MAPK14: variants seen among roughly 807,000 people sequenced by gnomAD.
MAPK14 encodes mitogen-activated protein kinase 14, also known as CSAID-binding protein.
In MAPK14, 16 loss-of-function variants were observed where a neutral mutation model predicts 49.6. The ratio of observed to expected loss-of-function variants is 0.32; its 90% CI spans 0.22 to 0.49. The LOEUF (loss-of-function observed/expected upper bound fraction) is 0.49, where lower values mean the gene tolerates loss of function less well. Ranked by LOEUF, MAPK14 falls within the 20% of genes least tolerant of loss-of-function variation. MAPK14 has a pLI of 0.99. For synonymous variants in MAPK14, 142 were observed against 158.0 expected (o/e 0.90, Z 0.76); for missense variants, 200 against 441.2 (o/e 0.45, Z 4.90).
chr6:36,074,997 C>T (rs902256794), intron 6 of MAPK14, among the ~76,000 whole-genome samples: 3 of 151,630 alleles, frequency 2.0e-5, no homozygotes, highest in Non-Finnish European at 4.4e-5. Context: ...GAGGCCAAGG[C>T]GGGTGGATTA....
chr6:36,123,361 C>T, the MAPK14 span, among the ~76,000 whole-genome samples: 1 of 152,156 alleles, frequency 6.6e-6, no homozygotes, highest in Non-Finnish European at 1.5e-5. Context: ...AGGATGAGGC[C>T]TCTAGGCCTT....
intron 10 of MAPK14, among the ~76,000 whole-genome samples, chr6:36,106,939 G>A (rs144247659): frequency 2.9e-4 from 44 of 151,480 alleles, no homozygotes; most frequent in African/African-American, 9.9e-4. Flanking sequence ...CCTACCTATT[G>A]TAGGTTACTT....
intron 8 of MAPK14, among the ~76,000 whole-genome samples, chr6:36,094,518 G>C (rs1350455443): frequency 6.6e-6 from 1 of 152,226 alleles, no homozygotes; most frequent in Non-Finnish European, 1.5e-5. Context: ...ATGTCTGAAA[G>C]AAAGTAAAAG....
At chr6:36,032,327 G>A (rs983785141) in intron 1 of MAPK14, among the ~76,000 whole-genome samples, 6 of 152,260 alleles carry the variant, frequency 3.9e-5, no homozygotes, top group Non-Finnish European at 8.8e-5. Flanking sequence ...ATGCCTTTCC[G>A]TTAAAGGGTA....
At chr6:36,119,586 A>G in the MAPK14 span, among the ~76,000 whole-genome samples, 4 of 152,246 alleles carry the variant, frequency 2.6e-5, no homozygotes, top group Non-Finnish European at 4.4e-5. Flanking sequence ...ATGGCAGTGA[A>G]GACAAATGAA....
intron 8 of MAPK14, among the ~76,000 whole-genome samples, chr6:36,091,794 A>C (rs979821081): frequency 6.7e-6 from 1 of 150,116 alleles, no homozygotes; most frequent in African/African-American, 2.4e-5. Context: ...AGGGCAAGGC[A>C]GTGGGGTAAA....
At chr6:36,056,418 A>G (rs977130257) in intron 2 of MAPK14, among the ~76,000 whole-genome samples, 1 of 152,206 alleles carries the variant, frequency 6.6e-6, no homozygotes, top group African/African-American at 2.4e-5. Context: ...GTATTTGCCA[A>G]TTATTATTTA....
At chr6:36,066,441 C>T (rs1211424517) in intron 3 of MAPK14, among the ~76,000 whole-genome samples, 2 of 152,040 alleles carry the variant, frequency 1.3e-5, no homozygotes, top group African/African-American at 4.8e-5. Context: ...GAAATGCTTA[C>T]CTAAAATAAC....
At chr6:36,075,384 T>C (rs748118906) in intron 6 of MAPK14, among the ~76,000 whole-genome samples, 1 of 152,124 alleles carries the variant, frequency 6.6e-6, no homozygotes, top group Non-Finnish European at 1.5e-5. Flanking sequence ...AATCATATAG[T>C]GTGTATTTTT....
At position 36,072,991 on chromosome 6, in the gene MAPK14, A is replaced by C; in HGVS notation, c.417+7A>C. 2 of 1,513,372 alleles carry C rather than the reference A, an allele frequency of 1.3e-6. No homozygotes were observed. The highest frequency in any genetic ancestry group is 1.8e-6 in the Non-Finnish European group (2 of 1,088,998). 93.7% of individuals were successfully genotyped at this position (1,513,372 alleles called of 1,614,324 possible). ...AATTCTCCGAGGTCTAAAGGTACAG[A>C]TAATACAAGTAATAATTTTTTAAAA... On this transcript the variant is annotated splice_region_variant and intron_variant, in intron 4 of 11. Transcript: ENST00000229794.
At chr6:36,093,908 G>A (rs1765347343) in intron 8 of MAPK14, among the ~76,000 whole-genome samples, 2 of 152,156 alleles carry the variant, frequency 1.3e-5, no homozygotes, top group African/African-American at 4.8e-5. Flanking sequence ...ACTTTATCTT[G>A]TGGTGGCTAC....
intron 1 of MAPK14, among the ~76,000 whole-genome samples, chr6:36,049,424 G>T (rs560368663): frequency 6.6e-6 from 1 of 152,258 alleles, no homozygotes; most frequent in South Asian, 2.1e-4. Flanking sequence ...ACTTTGAATA[G>T]CAAAGGTATA....
At chr6:36,070,324 A>C (rs1764219534) in intron 3 of MAPK14, among the ~76,000 whole-genome samples, 1 of 152,182 alleles carries the variant, frequency 6.6e-6, no homozygotes, top group South Asian at 2.1e-4. Context: ...TTAGTTTTAG[A>C]TCCAACTCCT....
chr6:36,104,622 C>T (rs7744444), intron 10 of MAPK14, among the ~76,000 whole-genome samples: 135 of 152,274 alleles, frequency 8.9e-4, no homozygotes, highest in African/African-American at 3.0e-3. Flanking sequence ...CTCCTGACCT[C>T]GTGACCTGCC....
intron 8 of MAPK14, among the ~76,000 whole-genome samples, chr6:36,088,412 G>A (rs1765076184): frequency 6.6e-6 from 1 of 152,040 alleles, no homozygotes; most frequent in Non-Finnish European, 1.5e-5. Flanking sequence ...AAATTTACAA[G>A]GAAAAAACCC....
intron 1 of MAPK14, among the ~76,000 whole-genome samples, chr6:36,036,240 A>G (rs372740719): frequency 1.5e-5 from 2 of 129,226 alleles, no homozygotes; most frequent in Non-Finnish European, 3.3e-5. Flanking sequence ...TGGGCGATAG[A>G]GCAAGAGTAC....
intron 1 of MAPK14, among the ~76,000 whole-genome samples, chr6:36,036,149 T>C (rs1370037205): frequency 6.6e-6 from 1 of 151,596 alleles, no homozygotes; most frequent in Non-Finnish European, 1.5e-5. Flanking sequence ...GGCAGGAGAA[T>C]TGCTTGAACC....
chr6:36,073,812 C>T (rs1764408058), intron 5 of MAPK14, 92 bp downstream of exon 5: 1 of 1,324,214 alleles, frequency 7.6e-7, no homozygotes, highest in African/African-American at 1.5e-5. Flanking sequence ...TAAACTTTAG[C>T]CATTGAAATG....
intron 8 of MAPK14, among the ~76,000 whole-genome samples, chr6:36,077,846 A>G (rs1435392700): frequency 6.6e-6 from 1 of 152,142 alleles, no homozygotes; most frequent in African/African-American, 2.4e-5. Context: ...AATTTGGTAT[A>G]TATATATTAC....
Sources: gnomAD v4.1 joint callset for allele counts (sites outside exome capture counted in the v4.1 genomes callset) on GRCh38, gnomAD v4.1.1 for gene constraint, MANE v1.5 for transcripts, NCBI Gene and HGNC (gene_info 2026-07-23, HGNC 2026-07-21) for gene names.